The following ROBO1 variants were observed in gnomAD, a reference collection of about 807,000 sequenced individuals.
The protein encoded by ROBO1 is roundabout homolog 1.
A neutral mutation model predicts 195.9 loss-of-function variants in ROBO1; 149 were observed. The observed-to-expected ratio is 0.76, with a 90% CI of 0.67 to 0.87. The LOEUF is 0.87. Ranked by LOEUF, ROBO1 falls within the 40% of genes least tolerant of loss-of-function variation. The pLI, the probability that ROBO1 is intolerant of heterozygous loss-of-function variation, is 0.00. For missense variants in ROBO1, 1,933 were observed against 2,068.3 expected (o/e 0.93, Z 1.27); for synonymous variants, 816 against 733.2 (o/e 1.11, Z -1.82).
intron 3 of ROBO1, among the ~76,000 whole-genome samples, chr3:79,084,921 A>G (rs2079340777): frequency 1.3e-5 from 2 of 152,152 alleles, no homozygotes; most frequent in African/African-American, 4.8e-5. Flanking sequence ...AAAAAAGTCA[A>G]TGTTGAAAAA....
intron 1 of ROBO1, among the ~76,000 whole-genome samples, chr3:79,749,556 A>C (rs1704035262): frequency 6.6e-6 from 1 of 152,096 alleles, no homozygotes; most frequent in Non-Finnish European, 1.5e-5. Flanking sequence ...TCTAGGACTA[A>C]AAAGTGGTTT....
At chr3:78,642,846 G>A (rs1706049894) in intron 21 of ROBO1, among the ~76,000 whole-genome samples, 1 of 152,076 alleles carries the variant, frequency 6.6e-6, no homozygotes, top group Non-Finnish European at 1.5e-5. Context: ...TGATAACAGA[G>A]CTCTAGATAA....
At chr3:79,018,416 G>C (rs1056256983) in intron 3 of ROBO1, 1 of 1,613,888 alleles carries the variant, frequency 6.2e-7, no homozygotes, top group Non-Finnish European at 8.5e-7. Context: ...CCTGAACAGA[G>C]ACATATTAAT....
At chr3:79,705,134 C>G (rs1453219333) in intron 1 of ROBO1, among the ~76,000 whole-genome samples, 1 of 151,768 alleles carries the variant, frequency 6.6e-6, no homozygotes, top group African/African-American at 2.4e-5. Context: ...TGTGGCTTGT[C>G]TACTCGTTCT....
chr3:79,548,679 T>C (rs569886521), intron 2 of ROBO1, among the ~76,000 whole-genome samples: 1 of 152,332 alleles, frequency 6.6e-6, no homozygotes, highest in East Asian at 1.9e-4. Context: ...AACTATGTGG[T>C]ATATTATATG....
chr3:78,605,358 G>A (rs1287862414), intron 29 of ROBO1, among the ~76,000 whole-genome samples: 1 of 152,042 alleles, frequency 6.6e-6, no homozygotes, highest in East Asian at 1.9e-4. Context: ...GTGGTGTGTT[G>A]GAGCAGGCTC....
intron 2 of ROBO1, among the ~76,000 whole-genome samples, chr3:79,368,692 C>T (rs1168719103): frequency 6.6e-6 from 1 of 152,160 alleles, no homozygotes; most frequent in Admixed American, 6.5e-5. Flanking sequence ...CACCCTGCTG[C>T]TGCTCCTTCC....
intron 2 of ROBO1, among the ~76,000 whole-genome samples, chr3:79,432,899 C>T (rs2038733772): frequency 6.6e-6 from 1 of 152,020 alleles, no homozygotes; most frequent in African/African-American, 2.4e-5. Flanking sequence ...ATGGAAAATC[C>T]TGTCTTCAAT....
intron 1 of ROBO1, among the ~76,000 whole-genome samples, chr3:79,632,945 C>G (rs1945386722): frequency 6.6e-6 from 1 of 151,610 alleles, no homozygotes. Context: ...GAAACAAAAA[C>G]CCAATAAGAA....
At chr3:78,890,319 T>C (rs1160091038) in intron 4 of ROBO1, among the ~76,000 whole-genome samples, 2 of 151,970 alleles carry the variant, frequency 1.3e-5, no homozygotes, top group Non-Finnish European at 2.9e-5. Context: ...AAGTGAGTCC[T>C]TTGAGAGATA....
In ROBO1 at chr3:79,620,316, C is replaced by A. The variant is rs190264886; in HGVS notation, c.-50-30355G>T. ...TGATGCTGCCCGATCGCCTCGGAAGCCTCCTGGACCATCACAGACACTTTG... is the reference window on the plus strand; with the variant it reads ...TGATGCTGCCCGATCGCCTCGGAAGACTCCTGGACCATCACAGACACTTTG... On this transcript the variant is annotated intron_variant, in intron 1 of 30. Coordinates refer to ENST00000464233, the MANE Select transcript of ROBO1 (RefSeq NM_002941.4). Among the ~76,000 whole-genome samples, 309 of 152,282 alleles carry A rather than the reference C, an allele frequency of 2.0e-3. 2 individuals carry two copies. Among genetic ancestry groups the A allele is most frequent in the South Asian group, 0.018 (88 of 4,832 alleles).
intron 2 of ROBO1, among the ~76,000 whole-genome samples, chr3:79,432,018 G>C (rs1200481295): frequency 6.6e-6 from 1 of 152,042 alleles, no homozygotes; most frequent in Non-Finnish European, 1.5e-5. Context: ...TACTAAATTG[G>C]AAGTAACTTT....
intron 3 of ROBO1, among the ~76,000 whole-genome samples, chr3:79,096,628 T>C (rs1469232749): frequency 6.6e-6 from 1 of 151,452 alleles, no homozygotes; most frequent in Non-Finnish European, 1.5e-5. Flanking sequence ...TGTGTGTATG[T>C]GCATGTATAC....
chr3:79,140,328 A>G (rs779074011), intron 2 of ROBO1, among the ~76,000 whole-genome samples: 2 of 152,178 alleles, frequency 1.3e-5, no homozygotes, highest in Non-Finnish European at 2.9e-5. Context: ...GAATCACTAC[A>G]GCTAAATATA....
chr3:79,266,451 G>C (rs1296346820), intron 2 of ROBO1, among the ~76,000 whole-genome samples: 1 of 151,508 alleles, frequency 6.6e-6, no homozygotes, highest in African/African-American at 2.4e-5. Flanking sequence ...ATCCTTCTTA[G>C]CTACAGAATA....
intron 4 of ROBO1, among the ~76,000 whole-genome samples, chr3:78,782,987 G>GT: frequency 6.6e-6 from 1 of 152,162 alleles, no homozygotes; most frequent in Admixed American, 6.5e-5. Flanking sequence ...AATCATATAG[G>GT]CACTGTGAAA....
chr3:79,094,784 T>C (rs1269078329), intron 3 of ROBO1, among the ~76,000 whole-genome samples: 1 of 151,970 alleles, frequency 6.6e-6, no homozygotes, highest in African/African-American at 2.4e-5. Context: ...GGAAATATGA[T>C]GACATGAGCA....
intron 5 of ROBO1, among the ~76,000 whole-genome samples, chr3:78,721,592 CTTTGT>C (rs1300606228): frequency 4.6e-5 from 7 of 152,212 alleles, no homozygotes; most frequent in South Asian, 2.1e-4. Flanking sequence ...TTAACATTCT[CTTTGT>C]TTTAAGAGTG....
chr3:79,092,655 C>A (rs543416484), intron 3 of ROBO1, among the ~76,000 whole-genome samples: 1 of 152,142 alleles, frequency 6.6e-6, no homozygotes, highest in East Asian at 1.9e-4. Flanking sequence ...ACGGTAGCCA[C>A]AATTACATAG....
Sources: allele counts gnomAD v4.1 joint callset (sites outside exome capture counted in the v4.1 genomes callset), GRCh38; gene constraint gnomAD v4.1.1; transcripts MANE v1.5; gene names NCBI Gene and HGNC (gene_info 2026-07-23, HGNC 2026-07-21).